Variants in PKM observed in about 807,000 individuals in gnomAD.
PKM encodes the protein pyruvate kinase M1/2.
A neutral mutation model predicts 49.8 loss-of-function variants in PKM; 18 were observed. That is an observed-to-expected ratio of 0.36 (90% CI 0.25 to 0.54). PKM has a LOEUF of 0.54. PKM is among the 20% of genes least tolerant of loss of function. The pLI is 0.89. For missense variants in PKM, 508 were observed against 713.8 expected (o/e 0.71, Z 3.28); for synonymous variants, 239 against 261.8 (o/e 0.91, Z 0.84).
chr15:72,205,132 T>C (rs890766326), intron 8 of PKM, among the ~76,000 whole-genome samples: 7 of 151,848 alleles, frequency 4.6e-5, no homozygotes, highest in African/African-American at 1.7e-4. Flanking sequence ...GTTTGTTTGG[T>C]TTCTTTTTTG....
At chr15:72,217,599 T>C (rs535857717) in intron 2 of PKM, 99 bp from the exon 3 acceptor site, 1 of 797,426 alleles carries the variant, frequency 1.3e-6, no homozygotes, top group Non-Finnish European at 2.1e-6. Context: ...CCTGAAAACT[T>C]TTCCTCTCCC....
intron 6 of PKM, 149 bp from the exon 7 acceptor site, chr15:72,207,426 G>A (rs1011749158): frequency 5.3e-6 from 4 of 757,274 alleles, no homozygotes; most frequent in Non-Finnish European, 9.2e-6. Context: ...CACACAGATG[G>A]CAAGGCAGTC....
chr15:72,207,295 G>C lies in PKM; in HGVS notation c.837-18C>G, dbSNP rs778333460. Reference sequence around the variant, plus strand: ...CATCAAACCTGATGGACAAAGTTGGGGGGAGAGAGGTTATATAGAACAGAG... The same window carrying C: ...CATCAAACCTGATGGACAAAGTTGGCGGGAGAGAGGTTATATAGAACAGAG... On this transcript the variant is annotated intron_variant, in intron 6 of 10. Transcript: ENST00000335181. 3 of 1,613,374 alleles carry C rather than the reference G, an allele frequency of 1.9e-6. No homozygotes were observed. Among genetic ancestry groups the C allele is most frequent in the African/African-American group, 2.7e-5 (2 of 74,910 alleles).
chr15:72,221,146 G>A, intron 1 of PKM: 2 of 1,327,678 alleles, frequency 1.5e-6, no homozygotes, highest in East Asian at 2.5e-5. Context: ...CCTGGCTGGG[G>A]CCACTGAATA....
Position 72,200,022 on chromosome 15 carries a change from G to T in PKM, c.1490-266C>A, listed in dbSNP as rs971077921. Among the ~76,000 whole-genome samples the T allele has an allele frequency of 2.0e-5, 3 of 152,110 alleles. No individual in the cohort carries two copies. The highest frequency in any genetic ancestry group is 4.4e-5 in the Non-Finnish European group (3 of 68,034). On this transcript the variant is annotated intron_variant, in intron 10 of 10. Transcript: ENST00000335181. This position sits in a 1 kb window ranked among gnomAD's most constrained non-coding sequence, Gnocchi z 4.6. ...AAAGCCTTGCCCAGGGTCAGAGCTAGCTGCTTCCTGTCATCTGATGATACC... is the reference window on the plus strand; with the variant it reads ...AAAGCCTTGCCCAGGGTCAGAGCTATCTGCTTCCTGTCATCTGATGATACC...
intron 3 of PKM, among the ~76,000 whole-genome samples, chr15:72,213,555 C>G (rs534406286): frequency 1.3e-5 from 2 of 152,272 alleles, no homozygotes; most frequent in South Asian, 2.1e-4. Flanking sequence ...CTCAGGCTCC[C>G]GAGTAGCTGG....
chr15:72,231,108 C>T lies in PKM; in HGVS notation c.-14+8G>A. 2.6e-6 allele frequency: 1 copy of T among 386,712 alleles called. No homozygotes were observed. The highest frequency in any genetic ancestry group is 2.0e-5 in the South Asian group (1 of 50,184). The allele number at this position is 386,712 out of a possible 1,614,324, so 24.0% of individuals were successfully genotyped here. On this transcript the variant is annotated splice_region_variant and intron_variant, in intron 1 of 10. Transcript: ENST00000335181. ...GGGACTGATGGCGTAGCCTCCTGCA[C>T]CGCTCACCTCCGGCGCTGACCGACT...
chr15:72,230,932 G>T, intron 1 of PKM, 184 bp downstream of exon 1: 1 of 1,287,418 alleles, frequency 7.8e-7, no homozygotes, highest in African/African-American at 1.5e-5. Context: ...GGGGACTTCT[G>T]AAGAGCAGGC....
intron 3 of PKM, among the ~76,000 whole-genome samples, chr15:72,214,730 G>C (rs1490596492): frequency 6.6e-6 from 1 of 152,186 alleles, no homozygotes; most frequent in Non-Finnish European, 1.5e-5. Flanking sequence ...AGGAGGCAGA[G>C]GTTGCAGTGA....
intron 2 of PKM, 75 bp from the exon 3 acceptor site, chr15:72,217,575 A>G: frequency 9.5e-7 from 1 of 1,056,018 alleles, no homozygotes; most frequent in Non-Finnish European, 1.5e-6. Flanking sequence ...GCTTAAGTTT[A>G]AAGAATTTTT....
chr15:72,209,617 G>T, intron 5 of PKM, 56 bp downstream of exon 5: 1 of 1,498,210 alleles, frequency 6.7e-7, no homozygotes, highest in South Asian at 1.1e-5. Flanking sequence ...TTGTGTCAAG[G>T]AAGTTTAGAG....
chr15:72,214,638 T>C (rs1379128807), intron 3 of PKM, among the ~76,000 whole-genome samples: 2 of 151,600 alleles, frequency 1.3e-5, no homozygotes, highest in Non-Finnish European at 2.9e-5. Context: ...TCTACTAAAA[T>C]ACAAAAATTA....
At chr15:72,228,082 TACA>T (rs777558949) in intron 1 of PKM, among the ~76,000 whole-genome samples, 53 of 152,342 alleles carry the variant, frequency 3.5e-4, no homozygotes, top group Admixed American at 1.8e-3. Context: ...AAAATATGAA[TACA>T]ACATTATTTC....
chr15:72,210,365 T>G lies in PKM; in HGVS notation c.360A>C (p.Arg120=). The change falls in exon 4 of 11, where the codon CGA becomes CGC. Residue 120 remains arginine (R), a synonymous_variant. Coordinates refer to ENST00000335181, the MANE Select transcript of PKM (RefSeq NM_002654.6). Reference sequence around the variant, plus strand: ...TACTCACGCCCTTGATGAGCCCAGTTCGGATCTCAGGTCCTTTAGTGTCTA... The same window carrying G: ...TACTCACGCCCTTGATGAGCCCAGTGCGGATCTCAGGTCCTTTAGTGTCTA... ...VALDTKGPEI[R]TGLIKGSGTA... is the part of the protein sequence containing the mutation. 6.2e-7 allele frequency: 1 copy of G among 1,614,152 alleles called. No homozygotes were observed. Among genetic ancestry groups the G allele is most frequent in the Non-Finnish European group, 8.5e-7 (1 of 1,180,020 alleles).
intron 9 of PKM, chr15:72,201,475 C>T (rs2081943308): frequency 6.6e-6 from 1 of 152,322 alleles, no homozygotes; most frequent in Non-Finnish European, 1.5e-5. Flanking sequence ...GTCAGGGAAA[C>T]TTAAGCCACA....
rs977126568 is a variant in PKM, at chr15:72,205,630, T to G, written c.1140+1098A>C. ...AGACCAGATGGGTGTTTTAGTTTTT[T>G]TTTTTTTTTTTTTTTTCTGTTTTTT... On this transcript the variant is annotated intron_variant, in intron 8 of 10. Transcript: ENST00000335181. 5.3e-5 allele frequency among the ~76,000 whole-genome samples: 8 copies of G among 150,516 alleles called. No homozygotes were observed. The South Asian group carries it at 6.4e-4, about 12-fold the overall frequency.
At chr15:72,212,094 G>T (rs1439210348) in intron 3 of PKM, among the ~76,000 whole-genome samples, 1 of 152,190 alleles carries the variant, frequency 6.6e-6, no homozygotes, top group Non-Finnish European at 1.5e-5. Context: ...CCTAATGACA[G>T]ACCCTTGGCT....
At chr15:72,211,970 C>G (rs1596757736) in intron 3 of PKM, among the ~76,000 whole-genome samples, 1 of 152,164 alleles carries the variant, frequency 6.6e-6, no homozygotes, top group East Asian at 1.9e-4. Flanking sequence ...GCAAGTAAGC[C>G]TGCCTGTTAT....
intron 8 of PKM, chr15:72,203,006 G>T: frequency 6.2e-7 from 1 of 1,612,654 alleles, no homozygotes; most frequent in Non-Finnish European, 8.5e-7. Flanking sequence ...AGTGTTACCT[G>T]CCCTTAGGGC....
Sources: allele counts gnomAD v4.1 joint callset (sites outside exome capture counted in the v4.1 genomes callset), GRCh38; gene constraint gnomAD v4.1.1; non-coding constraint Gnocchi (gnomAD v3.1); transcripts MANE v1.5; gene names NCBI Gene and HGNC (gene_info 2026-07-23, HGNC 2026-07-21).